ATP13A5: variants seen among roughly 807,000 people sequenced by gnomAD.
The protein encoded by ATP13A5 is probable cation-transporting ATPase 13A5.
Under a neutral mutation model 150.2 loss-of-function variants are expected in ATP13A5, and 149 were observed. The ratio of observed to expected loss-of-function variants is 0.99; its 90% CI spans 0.87 to 1.14. The LOEUF is 1.14. Ranked by LOEUF, ATP13A5 falls within the 50% of genes most tolerant of loss-of-function variation. ATP13A5 has a pLI of 0.00. For missense variants in ATP13A5, 1,383 were observed against 1,449.3 expected (o/e 0.95, Z 0.74); for synonymous variants, 497 against 522.2 (o/e 0.95, Z 0.66).
chr3:193,306,111 T>C (rs1160587723), intron 22 of ATP13A5, among the ~76,000 whole-genome samples: 1 of 151,668 alleles, frequency 6.6e-6, no homozygotes, highest in African/African-American at 2.4e-5. Context: ...CCTATAAGAA[T>C]TGTGTGGGCA....
At chr3:193,371,208 A>T (rs778242656) in intron 1 of ATP13A5, among the ~76,000 whole-genome samples, 7 of 152,236 alleles carry the variant, frequency 4.6e-5, no homozygotes, top group Non-Finnish European at 1.0e-4. Context: ...CATTTGTAAA[A>T]TAAGAGCATT....
intron 7 of ATP13A5, among the ~76,000 whole-genome samples, chr3:193,346,883 A>G (rs1712359678): frequency 1.3e-5 from 2 of 151,856 alleles, no homozygotes; most frequent in Admixed American, 6.6e-5. Context: ...CTGTTGGGGC[A>G]TGCATTTTAA....
chr3:193,329,657 G>A (rs1175920508), intron 12 of ATP13A5, among the ~76,000 whole-genome samples: 4 of 152,210 alleles, frequency 2.6e-5, no homozygotes, highest in East Asian at 1.9e-4. Context: ...GGTGGTGATC[G>A]AGAACTTTCT....
chr3:193,373,719 ATTGTTC>A (rs1385229267), intron 1 of ATP13A5, among the ~76,000 whole-genome samples: 2 of 152,124 alleles, frequency 1.3e-5, no homozygotes, highest in African/African-American at 4.8e-5. Flanking sequence ...AGCTAGTGGT[ATTGTTC>A]TTAGGTAAAG....
chr3:193,316,561 C>A (rs1719060032), intron 17 of ATP13A5, among the ~76,000 whole-genome samples: 1 of 152,092 alleles, frequency 6.6e-6, no homozygotes, highest in Admixed American at 6.6e-5. Flanking sequence ...ATTTGCATTT[C>A]CCTAATGACT....
At chr3:193,316,624 A>G (rs1403978507) in intron 17 of ATP13A5, among the ~76,000 whole-genome samples, 1 of 152,118 alleles carries the variant, frequency 6.6e-6, no homozygotes, top group Non-Finnish European at 1.5e-5. Context: ...ACGTCTTTGG[A>G]GAAATGTCTA....
chr3:193,315,006 C>T lies in ATP13A5; in HGVS notation c.2124G>A (p.Leu708=). The T allele has an allele frequency of 6.2e-7, 1 of 1,610,676 alleles. No individual in the cohort carries two copies. The highest frequency in any genetic ancestry group is 8.5e-7 in the Non-Finnish European group (1 of 1,177,742). ...TCACAGTCCTGATACGGGCCTCACT[C>T]AGTTCCTTCAAGACCAGTTTGGTTT... The part of the protein sequence containing the change: ...KKETKLVLKE[L]SEARIRTVMI... Residue 708 remains leucine (L), a synonymous_variant, in exon 18 of 30, where the codon CTG becomes CTA. Transcript: ENST00000342358.
At position 193,289,988 on chromosome 3, in the gene ATP13A5, G is replaced by A. The variant is rs766248821; in HGVS notation, c.2920C>T (p.Leu974=). 34 of 1,612,800 alleles carry A rather than the reference G, an allele frequency of 2.1e-5. No homozygotes were observed. Among genetic ancestry groups the A allele is most frequent in the Middle Eastern group, 3.3e-4 (2 of 6,072 alleles). ...CAGGAATTCAAAAATATTGAAAGCA[G>A]TAAAGGGGGAGAAAGGAGCTGTCCT... ...PAGQLLSPPL[L]LSIFLNSCFS... is the part of the protein sequence containing the mutation. The change falls in exon 26 of 30, where the codon CTG becomes TTG. Residue 974 remains leucine, a synonymous_variant. Coordinates refer to ENST00000342358, the MANE Select transcript of ATP13A5 (RefSeq NM_198505.4).
intron 12 of ATP13A5, among the ~76,000 whole-genome samples, chr3:193,329,603 TG>T (rs1711552335): frequency 6.6e-6 from 1 of 152,208 alleles, no homozygotes; most frequent in East Asian, 1.9e-4. Flanking sequence ...GGGTGTTATT[TG>T]GCCCTGAATC....
At chr3:193,323,697 T>A (rs969826039) in intron 14 of ATP13A5, 6 of 152,214 alleles carry the variant, frequency 3.9e-5, no homozygotes, top group African/African-American at 1.4e-4. Context: ...GGTCACTATG[T>A]CAAATGTTTT....
chr3:193,368,400 G>GTT (rs1346553142), intron 1 of ATP13A5, among the ~76,000 whole-genome samples: 1 of 149,144 alleles, frequency 6.7e-6, no homozygotes, highest in Non-Finnish European at 1.5e-5. Context: ...ACTTGTGTGT[G>GTT]TGTGTGTGTG....
At chr3:193,346,749 T>A (rs892080475) in intron 7 of ATP13A5, among the ~76,000 whole-genome samples, 2 of 152,078 alleles carry the variant, frequency 1.3e-5, no homozygotes, top group Non-Finnish European at 2.9e-5. Flanking sequence ...TATGGAAAAA[T>A]TTATGATATA....
intron 24 of ATP13A5, among the ~76,000 whole-genome samples, chr3:193,300,326 C>T (rs1011059256): frequency 4.6e-5 from 7 of 152,090 alleles, no homozygotes; most frequent in African/African-American, 1.7e-4. Flanking sequence ...AATCAGCTTC[C>T]CAGAAGCAGG....
At chr3:193,376,494 G>A (rs1349532185) in intron 1 of ATP13A5, among the ~76,000 whole-genome samples, 1 of 152,144 alleles carries the variant, frequency 6.6e-6, no homozygotes, top group Non-Finnish European at 1.5e-5. Context: ...TTACAGGCAT[G>A]AGCCACCATG....
intron 5 of ATP13A5, among the ~76,000 whole-genome samples, chr3:193,359,025 G>T (rs1257734611): frequency 2.0e-5 from 3 of 152,012 alleles, no homozygotes; most frequent in Non-Finnish European, 4.4e-5. Context: ...AAAAGAAAAT[G>T]ATCTCAGTTC....
chr3:193,290,086 A>G lies in ATP13A5; in HGVS notation c.2849-27T>C, dbSNP rs779615332. 11 of 1,569,328 alleles carry G rather than the reference A, an allele frequency of 7.0e-6. No individual in the cohort carries two copies. The East Asian group carries it at 1.1e-4, about 16-fold the overall frequency. On this transcript the variant is annotated intron_variant, in intron 25 of 29. Transcript: ENST00000342358. Reference sequence around the variant, plus strand: ...TGAAAGACAAATACATTTTTTTCCTATTACAATCTTATCATTGAGAATAAA... The same window carrying G: ...TGAAAGACAAATACATTTTTTTCCTGTTACAATCTTATCATTGAGAATAAA...
chr3:193,377,575 C>T (rs1489936), intron 1 of ATP13A5, among the ~76,000 whole-genome samples: 39,688 of 152,108 alleles, frequency 0.26, 5,644 homozygotes, highest in East Asian at 0.55. Flanking sequence ...ACACGTGGCC[C>T]ATGGCTGCCT....
chr3:193,302,813 A>G (rs1718454656), intron 23 of ATP13A5, among the ~76,000 whole-genome samples: 1 of 152,174 alleles, frequency 6.6e-6, no homozygotes. Flanking sequence ...CTTTCTCAGG[A>G]ATAAGTATGC....
chr3:193,375,496 G>A (rs762163553), intron 1 of ATP13A5, among the ~76,000 whole-genome samples: 11 of 152,164 alleles, frequency 7.2e-5, no homozygotes, highest in African/African-American at 1.9e-4. Flanking sequence ...GAGGCTGAGG[G>A]AAACACCTGG....
Sources: gnomAD v4.1 joint callset for allele counts (sites outside exome capture counted in the v4.1 genomes callset) on GRCh38, gnomAD v4.1.1 for gene constraint, MANE v1.5 for transcripts, NCBI Gene and HGNC (gene_info 2026-07-23, HGNC 2026-07-21) for gene names.